The following RSU1 variants were observed in gnomAD, a reference collection of about 807,000 sequenced individuals.
RSU1 encodes Ras suppressor protein 1, also known as rsu-1.
RSU1 carries 26 observed loss-of-function variants against 31.1 expected under a neutral mutation model. The ratio of observed to expected loss-of-function variants is 0.84; its 90% CI spans 0.61 to 1.16. The LOEUF is 1.16. RSU1 is among the 50% of genes most tolerant of loss of function. The pLI is 0.00. For missense variants in RSU1, 320 were observed against 339.1 expected, an observed-to-expected ratio of 0.94 and a Z score of 0.44; for synonymous variants, 164 against 136.3, an observed-to-expected ratio of 1.20 and a Z score of -1.41.
chr10:16,663,835 G>C lies in RSU1; in HGVS notation c.731+31188C>G, dbSNP rs544398965. ...AAGCTTCCACTCCCATGCTGTAAAT[G>C]AGATGAAATCCACCCTCTTTTCAGA... On this transcript the variant is annotated intron_variant, in intron 8 of 8. Transcript: ENST00000345264. Among the ~76,000 whole-genome samples, 5 of 152,304 alleles carry C rather than the reference G, an allele frequency of 3.3e-5. No homozygotes were observed. The South Asian group carries it at 1.0e-3, about 32-fold the overall frequency.
chr10:16,668,840 A>T (rs1247336521), intron 8 of RSU1, among the ~76,000 whole-genome samples: 1 of 152,176 alleles, frequency 6.6e-6, no homozygotes, highest in Non-Finnish European at 1.5e-5. Context: ...TTGCCGTTTC[A>T]AGAGTATCAG....
At chr10:16,674,979 G>A (rs1835199745) in intron 8 of RSU1, among the ~76,000 whole-genome samples, 1 of 152,108 alleles carries the variant, frequency 6.6e-6, no homozygotes, top group Non-Finnish European at 1.5e-5. Context: ...GTTGCAGTGA[G>A]CCAAGACTGT....
rs867557216 is a variant in RSU1, at chr10:16,724,772, G to C, written c.598+27767C>G. 3.3e-5 allele frequency among the ~76,000 whole-genome samples: 5 copies of C among 152,316 alleles called. No homozygotes were observed. In the South Asian group the frequency reaches 1.0e-3, roughly 32 times the overall value. On this transcript the variant is annotated intron_variant, in intron 7 of 8. Coordinates refer to ENST00000345264, the MANE Select transcript of RSU1 (RefSeq NM_012425.4). ...ATGACTCAAAAGTGACAAGGCTGTT[G>C]CTTAAGCCAGTAAGTAGCTCAAACG... is the stretch of plus-strand genomic sequence containing the variant.
At chr10:16,681,120 T>C (rs1431643806) in intron 8 of RSU1, among the ~76,000 whole-genome samples, 1 of 152,236 alleles carries the variant, frequency 6.6e-6, no homozygotes, top group African/African-American at 2.4e-5. Context: ...ATCACCCTGC[T>C]GACTATTTGC....
intron 7 of RSU1, among the ~76,000 whole-genome samples, chr10:16,715,421 A>G (rs1349441481): frequency 1.3e-5 from 2 of 152,090 alleles, no homozygotes; most frequent in Non-Finnish European, 2.9e-5. Context: ...TTCCCCTAAA[A>G]TTTTTATAGT....
chr10:16,727,081 C>T (rs1166251273), intron 7 of RSU1: 4 of 456,534 alleles, frequency 8.8e-6, no homozygotes, highest in Admixed American at 7.0e-5. Flanking sequence ...GTGCATTCCT[C>T]ACAACACAGG....
chr10:16,651,986 C>T (rs1417685484), intron 8 of RSU1, among the ~76,000 whole-genome samples: 6 of 152,146 alleles, frequency 3.9e-5, no homozygotes, highest in African/African-American at 1.4e-4. Flanking sequence ...TTGACAGTAA[C>T]TCAGACTTTT....
chr10:16,763,643 G>A (rs1360545108), intron 4 of RSU1, among the ~76,000 whole-genome samples: 1 of 152,128 alleles, frequency 6.6e-6, no homozygotes, highest in Non-Finnish European at 1.5e-5. Flanking sequence ...GGGTCTGAAG[G>A]AGCCTTCAGA....
At chr10:16,763,424 G>A (rs542153820) in intron 4 of RSU1, among the ~76,000 whole-genome samples, 1 of 152,120 alleles carries the variant, frequency 6.6e-6, no homozygotes, top group Non-Finnish European at 1.5e-5. Context: ...CAGCACAAGG[G>A]GGGAGGTGCT....
At chr10:16,680,683 G>A (rs148267810) in intron 8 of RSU1, among the ~76,000 whole-genome samples, 1 of 152,250 alleles carries the variant, frequency 6.6e-6, no homozygotes, top group Non-Finnish European at 1.5e-5. Flanking sequence ...CAGAGCAAGA[G>A]CTCACTCATC....
chr10:16,667,301 G>C (rs982664505), intron 8 of RSU1, among the ~76,000 whole-genome samples: 3 of 152,144 alleles, frequency 2.0e-5, no homozygotes, highest in Non-Finnish European at 1.5e-5. Flanking sequence ...TTTGGATTCA[G>C]ATTCTGTCTT....
intron 8 of RSU1, among the ~76,000 whole-genome samples, chr10:16,636,105 A>G (rs1834340657): frequency 6.6e-6 from 1 of 152,066 alleles, no homozygotes; most frequent in Non-Finnish European, 1.5e-5. Context: ...CTCACTTGCT[A>G]AGTGATCTCT....
intron 2 of RSU1, among the ~76,000 whole-genome samples, chr10:16,786,430 G>A (rs891325044): frequency 2.6e-5 from 4 of 152,030 alleles, no homozygotes; most frequent in African/African-American, 9.7e-5. Flanking sequence ...GGTTCATCTT[G>A]TATTTTTTCT....
rs1413880618 is a variant in RSU1, at chr10:16,591,792, C to G, written c.*1602G>C. The G allele has an allele frequency of 2.0e-5, 3 of 152,114 alleles. No homozygotes were observed. Among genetic ancestry groups the G allele is most frequent in the Non-Finnish European group, 4.4e-5 (3 of 68,026 alleles). The allele number at this position is 152,114 out of a possible 1,614,324, so 9.4% of individuals were successfully genotyped here. A position where few individuals can be genotyped will look rare whatever the true frequency, so the allele number is the denominator to read the frequency against. On this transcript the variant is annotated 3_prime_UTR_variant, in exon 9 of 9. Coordinates refer to ENST00000345264, the MANE Select transcript of RSU1 (RefSeq NM_012425.4). ...TAATTTTAGGTTAAGTCTTTCCTAT[C>G]CACAACAGCAAAGGCCTTGTTCTCC...
chr10:16,682,933 TTCA>T (rs1835359966), intron 8 of RSU1, among the ~76,000 whole-genome samples: 1 of 152,130 alleles, frequency 6.6e-6, no homozygotes, highest in Non-Finnish European at 1.5e-5. Flanking sequence ...GAACCCTCCC[TTCA>T]TGAATTCTCT....
chr10:16,797,293 A>C (rs1169431607), intron 2 of RSU1, among the ~76,000 whole-genome samples: 2 of 152,218 alleles, frequency 1.3e-5, no homozygotes, highest in East Asian at 3.8e-4. Flanking sequence ...AGAGAGAGAA[A>C]AAGAGACCAA....
At chr10:16,692,735 TTA>T in intron 8 of RSU1, among the ~76,000 whole-genome samples, 1 of 152,168 alleles carries the variant, frequency 6.6e-6, no homozygotes, top group Admixed American at 6.5e-5. Flanking sequence ...TCGTATTTTT[TTA>T]AAAAAAATTG....
chr10:16,725,642 C>T (rs958477886), intron 7 of RSU1, among the ~76,000 whole-genome samples: 1 of 151,698 alleles, frequency 6.6e-6, no homozygotes, highest in Non-Finnish European at 1.5e-5. Context: ...CATGGGAGGA[C>T]ACAGCATTTC....
intron 8 of RSU1, among the ~76,000 whole-genome samples, chr10:16,675,530 A>G (rs1835211376): frequency 6.6e-6 from 1 of 152,184 alleles, no homozygotes; most frequent in African/African-American, 2.4e-5. Flanking sequence ...CACACTTGGC[A>G]GCCAATTCCA....
Sources: gnomAD v4.1 joint callset for allele counts (sites outside exome capture counted in the v4.1 genomes callset) on GRCh38, gnomAD v4.1.1 for gene constraint, MANE v1.5 for transcripts, NCBI Gene and HGNC (gene_info 2026-07-23, HGNC 2026-07-21) for gene names.